RBFOX1: variants seen among roughly 807,000 people sequenced by gnomAD.
The protein encoded by RBFOX1 is RNA binding fox-1 homolog 1.
RBFOX1 carries 8 observed loss-of-function variants against 57.7 expected under a neutral mutation model. The ratio of observed to expected loss-of-function variants is 0.14; its 90% CI spans 0.08 to 0.25. The LOEUF (loss-of-function observed/expected upper bound fraction) is 0.25. Among genes scored for constraint, RBFOX1 ranks in the 10% least tolerant of loss-of-function variants. The pLI is 1.00. For missense variants in RBFOX1, 611 were observed against 548.5 expected, an observed-to-expected ratio of 1.11 and a Z score of -1.14; for synonymous variants, 326 against 222.4, an observed-to-expected ratio of 1.47 and a Z score of -4.15.
intron 2 of RBFOX1, among the ~76,000 whole-genome samples, chr16:6,539,973 A>G (rs183062137): frequency 3.0e-4 from 46 of 152,240 alleles, no homozygotes; most frequent in African/African-American, 1.1e-3. Flanking sequence ...AAAATTACCA[A>G]TGTCTTAACA....
chr16:6,418,917 C>T (rs569967659), intron 2 of RBFOX1, among the ~76,000 whole-genome samples: 18 of 152,216 alleles, frequency 1.2e-4, no homozygotes, highest in African/African-American at 4.1e-4. Context: ...GTGGAAGAAC[C>T]GTTGTATTGC....
intron 2 of RBFOX1, among the ~76,000 whole-genome samples, chr16:5,571,732 T>C (rs2046291111): frequency 1.3e-5 from 2 of 152,186 alleles, no homozygotes; most frequent in Non-Finnish European, 2.9e-5. Context: ...TCCTCCTCGC[T>C]ATCTCTTTTA....
chr16:6,413,282 G>A (rs960562229), intron 2 of RBFOX1, among the ~76,000 whole-genome samples: 34 of 145,140 alleles, frequency 2.3e-4, no homozygotes, highest in African/African-American at 7.8e-4. Flanking sequence ...TGGTGCCATT[G>A]CACTCCAGCC....
chr16:7,436,403 T>C (rs1398646882), intron 4 of RBFOX1, among the ~76,000 whole-genome samples: 1 of 152,182 alleles, frequency 6.6e-6, no homozygotes, highest in Admixed American at 6.5e-5. Flanking sequence ...TAACTGGAAT[T>C]TCCTGTTCAA....
At chr16:7,667,356 A>G (rs921929620) in intron 13 of RBFOX1, among the ~76,000 whole-genome samples, 1 of 152,226 alleles carries the variant, frequency 6.6e-6, no homozygotes, top group Admixed American at 6.5e-5. Context: ...TATGTTCTGC[A>G]CCACAGAATA....
intron 4 of RBFOX1, among the ~76,000 whole-genome samples, chr16:5,932,477 T>A (rs1567162447): frequency 6.6e-6 from 1 of 152,182 alleles, no homozygotes. Flanking sequence ...TGTAGGACTC[T>A]AAGCAGACAG....
chr16:5,501,336 A>G (rs1197130181), intron 2 of RBFOX1, among the ~76,000 whole-genome samples: 2 of 151,280 alleles, frequency 1.3e-5, no homozygotes, highest in African/African-American at 2.4e-5. Flanking sequence ...AAAAAAAAAA[A>G]AAAAAGAAAA....
At chr16:7,003,261 C>T (rs952459937) in intron 3 of RBFOX1, among the ~76,000 whole-genome samples, 8 of 151,900 alleles carry the variant, frequency 5.3e-5, no homozygotes, top group African/African-American at 1.9e-4. Flanking sequence ...CAGATCAAGA[C>T]CATCCTGGCC....
intron 1 of RBFOX1, among the ~76,000 whole-genome samples, chr16:5,454,932 T>TTCCG (rs2068564740): frequency 1.6e-5 from 1 of 64,208 alleles, no homozygotes; most frequent in African/African-American, 6.6e-5. Flanking sequence ...TCTTTCTTCC[T>TTCCG]TCCTTCCTTC....
chr16:6,973,837 T>A (rs1321561663), intron 3 of RBFOX1, among the ~76,000 whole-genome samples: 1 of 152,124 alleles, frequency 6.6e-6, no homozygotes, highest in Non-Finnish European at 1.5e-5. Flanking sequence ...GTTAAACAGG[T>A]AAACGTGTGC....
intron 3 of RBFOX1, among the ~76,000 whole-genome samples, chr16:6,954,713 C>T (rs377317041): frequency 9.2e-5 from 14 of 152,156 alleles, no homozygotes; most frequent in African/African-American, 3.1e-4. Context: ...CAAGTCTAGC[C>T]ATAGGTGAGG....
At chr16:7,390,333 A>G (rs1412379360) in intron 4 of RBFOX1, among the ~76,000 whole-genome samples, 1 of 152,184 alleles carries the variant, frequency 6.6e-6, no homozygotes, top group Non-Finnish European at 1.5e-5. Context: ...GAGAGAATAC[A>G]TTATAATAAG....
chr16:6,922,847 A>G (rs545145455), intron 3 of RBFOX1, among the ~76,000 whole-genome samples: 3 of 152,346 alleles, frequency 2.0e-5, no homozygotes, highest in African/African-American at 4.8e-5. Flanking sequence ...AGAGCACATC[A>G]TAGTGAGCAT....
intron 14 of RBFOX1, among the ~76,000 whole-genome samples, chr16:7,683,382 T>C (rs1331896006): frequency 3.3e-5 from 5 of 151,820 alleles, no homozygotes; most frequent in African/African-American, 1.2e-4. Flanking sequence ...ACTTTCTCTC[T>C]CAAGAACTAA....
In RBFOX1 at chr16:7,712,206, C is replaced by G. The variant is rs760732403; in HGVS notation, c.*1461C>G. 1.0e-4 allele frequency: 16 copies of G among 152,564 alleles called. No homozygotes were observed. The highest frequency in any genetic ancestry group is 1.8e-4 in the Non-Finnish European group (12 of 68,056). 9.5% of individuals were successfully genotyped at this position (152,564 alleles called of 1,614,324 possible). ...TTAAGTTGGGGTATCCGTCACGGGT[C>G]TTCCTGTTTTGTATTTAAATAAAAA... On this transcript the variant is annotated 3_prime_UTR_variant, in exon 16 of 16. Transcript: ENST00000550418.
intron 14 of RBFOX1, among the ~76,000 whole-genome samples, chr16:7,680,081 G>A (rs1292011218): frequency 1.3e-5 from 2 of 152,098 alleles, no homozygotes; most frequent in East Asian, 3.9e-4. Context: ...TTGGTCATCC[G>A]GTCATTGCAT....
At chr16:6,127,444 T>C (rs1310985782) in intron 1 of RBFOX1, among the ~76,000 whole-genome samples, 2 of 152,162 alleles carry the variant, frequency 1.3e-5, no homozygotes, top group South Asian at 2.1e-4. Flanking sequence ...AGCCCTGACG[T>C]AGGCAAGGCA....
chr16:6,311,358 G>A (rs1203062487), intron 1 of RBFOX1, among the ~76,000 whole-genome samples: 1 of 151,478 alleles, frequency 6.6e-6, no homozygotes, highest in Non-Finnish European at 1.5e-5. Flanking sequence ...TTCTTGTTAG[G>A]CTCACTCAAC....
At chr16:5,608,112 C>G (rs956794045) in intron 3 of RBFOX1, among the ~76,000 whole-genome samples, 1 of 152,160 alleles carries the variant, frequency 6.6e-6, no homozygotes, top group African/African-American at 2.4e-5. Flanking sequence ...GTGGTTGTTC[C>G]AGTGCTCATT....
Sources: allele counts gnomAD v4.1 joint callset (sites outside exome capture counted in the v4.1 genomes callset), GRCh38; gene constraint gnomAD v4.1.1; transcripts MANE v1.5; gene names NCBI Gene and HGNC (gene_info 2026-07-23, HGNC 2026-07-21).